The following TECRL variants were observed in gnomAD, a reference collection of about 807,000 sequenced individuals.
TECRL encodes the protein trans-2,3-enoyl-CoA reductase-like.
A neutral mutation model predicts 52.8 loss-of-function variants in TECRL; 63 were observed. The observed-to-expected ratio is 1.19, with a 90% CI of 0.97 to 1.47. The LOEUF is 1.47. TECRL is among the 40% of genes most tolerant of loss of function. The pLI is 0.00. For synonymous variants in TECRL, 164 were observed against 141.9 expected, an observed-to-expected ratio of 1.16 and a Z score of -1.10; for missense variants, 482 against 429.6, an observed-to-expected ratio of 1.12 and a Z score of -1.08.
At chr4:64,384,177 G>A (rs1025858854) in intron 1 of TECRL, among the ~76,000 whole-genome samples, 2 of 151,952 alleles carry the variant, frequency 1.3e-5, no homozygotes, top group African/African-American at 4.8e-5. Context: ...GCACCCAGGT[G>A]GTATATTCCA....
chr4:64,379,740 T>A (rs1722647728), intron 1 of TECRL, among the ~76,000 whole-genome samples: 1 of 152,134 alleles, frequency 6.6e-6, no homozygotes, highest in Admixed American at 6.6e-5. Flanking sequence ...AATGAGAACA[T>A]GCAGTATTTG....
chr4:64,383,891 A>T (rs1216874397), intron 1 of TECRL, among the ~76,000 whole-genome samples: 4 of 147,738 alleles, frequency 2.7e-5, no homozygotes, highest in East Asian at 2.0e-4. Context: ...CATGGCAAAA[A>T]TTTTTTCCTG....
At chr4:64,303,220 G>C (rs1308993174) in intron 7 of TECRL, among the ~76,000 whole-genome samples, 1 of 132,226 alleles carries the variant, frequency 7.6e-6, no homozygotes, top group East Asian at 2.3e-4. Context: ...CATAAATATA[G>C]AAAATAGTGA....
In TECRL at chr4:64,279,803, G is replaced by T. The variant is rs1172582093; in HGVS notation, c.*269C>A. 9.9e-7 allele frequency: 1 copy of T among 1,013,558 alleles called. No homozygotes were observed. 62.8% of individuals were successfully genotyped at this position (1,013,558 alleles called of 1,614,324 possible). A position where few individuals can be genotyped will look rare whatever the true frequency, so the allele number is the denominator to read the frequency against. On this transcript the variant is annotated 3_prime_UTR_variant, in exon 12 of 12. Coordinates refer to ENST00000381210, the MANE Select transcript of TECRL (RefSeq NM_001010874.5). Reference sequence around the variant, plus strand: ...TGTCTTATGCAAATAGTATTGTGAAGTATTAATGAAGTAAGACAATTTTAT... The same window carrying T: ...TGTCTTATGCAAATAGTATTGTGAATTATTAATGAAGTAAGACAATTTTAT...
At chr4:64,339,997 G>A (rs967158565) in intron 2 of TECRL, among the ~76,000 whole-genome samples, 2 of 152,102 alleles carry the variant, frequency 1.3e-5, no homozygotes, top group Non-Finnish European at 2.9e-5. Flanking sequence ...ATGAGCAACC[G>A]TAAACCTCGT....
intron 8 of TECRL, among the ~76,000 whole-genome samples, chr4:64,292,937 T>C (rs182138669): frequency 3.7e-3 from 559 of 152,040 alleles, no homozygotes; most frequent in Middle Eastern, 0.01. Flanking sequence ...GTTTGATAAA[T>C]AAAAAAAATT....
At chr4:64,368,587 C>A (rs1721774734) in intron 2 of TECRL, among the ~76,000 whole-genome samples, 1 of 152,152 alleles carries the variant, frequency 6.6e-6, no homozygotes, top group African/African-American at 2.4e-5. Flanking sequence ...AGCCACTGTG[C>A]CCAGCCCTCA....
chr4:64,356,147 T>C (rs1391531926), intron 2 of TECRL, among the ~76,000 whole-genome samples: 1 of 152,158 alleles, frequency 6.6e-6, no homozygotes, highest in African/African-American at 2.4e-5. Flanking sequence ...CTAATCTCGA[T>C]AAACCAGGGG....
At chr4:64,403,826 G>A (rs974377424) in intron 1 of TECRL, among the ~76,000 whole-genome samples, 19 of 150,998 alleles carry the variant, frequency 1.3e-4, no homozygotes, top group African/African-American at 4.4e-4. Context: ...TGAGGAAGAG[G>A]CAGAAGAGTA....
intron 1 of TECRL, among the ~76,000 whole-genome samples, chr4:64,407,395 A>C (rs1405764566): frequency 6.6e-6 from 1 of 152,058 alleles, no homozygotes; most frequent in Non-Finnish European, 1.5e-5. Flanking sequence ...TTAACACGTA[A>C]AAATATAAAA....
intron 1 of TECRL, among the ~76,000 whole-genome samples, chr4:64,405,696 A>G (rs755014776): frequency 6.6e-6 from 1 of 152,138 alleles, no homozygotes. Context: ...GGAACTCAAT[A>G]AAGTAAATTA....
Position 64,324,310 on chromosome 4 carries a change from A to T in TECRL, c.332-1518T>A, listed in dbSNP as rs114126666. Among the ~76,000 whole-genome samples, 1,412 of 152,138 alleles carry T rather than the reference A, an allele frequency of 9.3e-3. 18 individuals are homozygous for T. Among genetic ancestry groups the T allele is most frequent in the African/African-American group, 0.032 (1,314 of 41,542 alleles). On this transcript the variant is annotated intron_variant, in intron 3 of 11. Transcript: ENST00000381210. ...GATAAATATTTTGTTTTATTTAAAG[A>T]AATGTATACCAAGCAGGAAGAAAAA...
At chr4:64,355,942 A>T (rs1302942372) in intron 2 of TECRL, among the ~76,000 whole-genome samples, 2 of 152,154 alleles carry the variant, frequency 1.3e-5, no homozygotes, top group African/African-American at 4.8e-5. Context: ...GACATAAGAA[A>T]TTCCATTTTG....
At chr4:64,318,715 A>T (rs867288539) in intron 4 of TECRL, among the ~76,000 whole-genome samples, 1 of 152,056 alleles carries the variant, frequency 6.6e-6, no homozygotes, top group African/African-American at 2.4e-5. Context: ...ACTTATTTTT[A>T]TGTAAAAATA....
At chr4:64,356,488 T>C (rs1341050695) in intron 2 of TECRL, among the ~76,000 whole-genome samples, 4 of 152,206 alleles carry the variant, frequency 2.6e-5, no homozygotes, top group Admixed American at 6.5e-5. Context: ...GCAGCAATGC[T>C]GCTTTGTTAT....
intron 2 of TECRL, among the ~76,000 whole-genome samples, chr4:64,351,296 T>TG (rs1288519975): frequency 2.7e-5 from 4 of 150,578 alleles, no homozygotes; most frequent in Non-Finnish European, 5.9e-5. Flanking sequence ...AAAGGGAACT[T>TG]TTTTTTTGGC....
intron 8 of TECRL, among the ~76,000 whole-genome samples, chr4:64,293,231 C>G (rs1015828177): frequency 5.3e-5 from 8 of 152,076 alleles, no homozygotes; most frequent in African/African-American, 1.9e-4. Flanking sequence ...ATACTTTGGT[C>G]AAGAAAGTAA....
intron 6 of TECRL, among the ~76,000 whole-genome samples, chr4:64,307,395 C>T (rs1241044142): frequency 6.6e-6 from 1 of 152,118 alleles, no homozygotes; most frequent in African/African-American, 2.4e-5. Flanking sequence ...CCTTCCAGCC[C>T]TCCTGGTCTG....
chr4:64,333,159 G>GA (rs1411923110), intron 2 of TECRL, among the ~76,000 whole-genome samples: 1 of 151,604 alleles, frequency 6.6e-6, no homozygotes, highest in Non-Finnish European at 1.5e-5. Flanking sequence ...AACAATAATA[G>GA]AAAAATATTT....
Sources: allele counts gnomAD v4.1 joint callset (sites outside exome capture counted in the v4.1 genomes callset), GRCh38; gene constraint gnomAD v4.1.1; transcripts MANE v1.5; gene names NCBI Gene and HGNC (gene_info 2026-07-23, HGNC 2026-07-21).